Variants in MYO1D observed in about 807,000 individuals in gnomAD.
MYO1D encodes myosin ID.
In MYO1D, 83 loss-of-function variants were observed where a neutral mutation model predicts 122.0. The ratio of observed to expected loss-of-function variants is 0.68; its 90% confidence interval spans 0.57 to 0.82. The LOEUF (loss-of-function observed/expected upper bound fraction) is 0.82, where lower values mean the gene tolerates loss of function less well. Among genes scored for constraint, MYO1D ranks in the 40% least tolerant of loss-of-function variants. The probability of loss-of-function intolerance (pLI) is 0.00; values close to 1 mark genes in which losing one functional copy is unlikely to be tolerated. For synonymous variants in MYO1D, 464 were observed against 446.9 expected, an observed-to-expected ratio of 1.04 and a Z score of -0.48; for missense variants, 1,157 against 1,269.5, an observed-to-expected ratio of 0.91 and a Z score of 1.35.
intron 16 of MYO1D, among the ~76,000 whole-genome samples, chr17:32,698,158 A>G (rs1249893371): frequency 6.6e-6 from 1 of 152,186 alleles, no homozygotes; most frequent in Non-Finnish European, 1.5e-5. Flanking sequence ...TAGTTAAATA[A>G]CCAGAATAGT....
At chr17:32,638,280 A>T (rs1359743349) in intron 20 of MYO1D, among the ~76,000 whole-genome samples, 3 of 152,248 alleles carry the variant, frequency 2.0e-5, no homozygotes, top group Admixed American at 6.5e-5. Flanking sequence ...AAGATCACAC[A>T]ATCAACAACT....
chr17:32,818,122 T>A (rs2090628658), intron 1 of MYO1D, among the ~76,000 whole-genome samples: 1 of 36,354 alleles, frequency 2.8e-5, no homozygotes, highest in Non-Finnish European at 5.0e-5. Context: ...CGAGACTCCG[T>A]CTCAAAAAAA....
chr17:32,629,018 A>G (rs2087966540), intron 20 of MYO1D, among the ~76,000 whole-genome samples: 1 of 152,230 alleles, frequency 6.6e-6, no homozygotes, highest in Admixed American at 6.5e-5. Flanking sequence ...GCACCTCCAT[A>G]TAATGAACTA....
chr17:32,746,048 T>A (rs1285303358), intron 12 of MYO1D, among the ~76,000 whole-genome samples: 1 of 152,220 alleles, frequency 6.6e-6, no homozygotes, highest in African/African-American at 2.4e-5. Context: ...ACCTTACAGT[T>A]CTGCTCTCGT....
At position 32,527,800 on chromosome 17, in the gene MYO1D, T is replaced by C. The variant is rs145550773; in HGVS notation, c.2865-32885A>G. On this transcript the variant is annotated intron_variant, in intron 21 of 21. Transcript: ENST00000318217. The stretch of plus-strand genomic sequence containing the variant: ...GCAACAAAGAGAGACTCTATAAAAA[T>C]AAAACAAAACAATAAAAGCTACATA... 2.9e-3 allele frequency among the ~76,000 whole-genome samples: 427 copies of C among 149,744 alleles called. 6 individuals are homozygous for C. Among genetic ancestry groups the C allele is most frequent in the East Asian group, 0.028 (142 of 5,098 alleles).
Position 32,745,150 on chromosome 17 carries a change from G to A in MYO1D, c.1613+61C>T, listed in dbSNP as rs35008626. The A allele has an allele frequency of 1.2e-3, 1,109 of 896,936 alleles. 6 individuals carry two copies. The African/African-American group carries it at 0.016, about 13-fold the overall frequency. The allele number at this position is 896,936 out of a possible 1,614,324, so 55.6% of individuals were successfully genotyped here. A position where few individuals can be genotyped will look rare whatever the true frequency, so the allele number is the denominator to read the frequency against. ...AAATTGCATATAAATATAACCATGT[G>A]CATATATTACATATGTCAATGAGCT... On this transcript the variant is annotated intron_variant, in intron 13 of 21. Coordinates refer to ENST00000318217, the MANE Select transcript of MYO1D (RefSeq NM_015194.3).
intron 1 of MYO1D, among the ~76,000 whole-genome samples, chr17:32,788,815 G>A (rs763938157): frequency 9.9e-5 from 15 of 152,008 alleles, no homozygotes; most frequent in African/African-American, 1.4e-4. Context: ...GATAGGAATT[G>A]CATTAAATCT....
chr17:32,795,974 C>T (rs565073681), intron 1 of MYO1D, among the ~76,000 whole-genome samples: 5 of 152,226 alleles, frequency 3.3e-5, no homozygotes, highest in South Asian at 4.2e-4. Context: ...TCTGTTAGCG[C>T]GCTCTCGGGG....
chr17:32,692,148 T>C (rs2089110909), intron 16 of MYO1D, among the ~76,000 whole-genome samples: 1 of 152,242 alleles, frequency 6.6e-6, no homozygotes, highest in Non-Finnish European at 1.5e-5. Flanking sequence ...ATGCTCTAAA[T>C]ATACACATTT....
intron 21 of MYO1D, among the ~76,000 whole-genome samples, chr17:32,584,488 T>C (rs979174531): frequency 1.3e-5 from 2 of 151,812 alleles, no homozygotes; most frequent in South Asian, 2.1e-4. Context: ...TGTTGTGAAA[T>C]AGATCTTCAG....
chr17:32,693,004 C>T (rs776001176), intron 16 of MYO1D, among the ~76,000 whole-genome samples: 3 of 152,270 alleles, frequency 2.0e-5, no homozygotes, highest in East Asian at 3.9e-4. Context: ...CTTGGCTGTG[C>T]GCATCTTCAG....
At chr17:32,586,574 ATTGT>A (rs1197946473) in intron 21 of MYO1D, among the ~76,000 whole-genome samples, 1 of 152,156 alleles carries the variant, frequency 6.6e-6, no homozygotes, top group Non-Finnish European at 1.5e-5. Context: ...CATTCAAGTC[ATTGT>A]TTAAGAAAAA....
chr17:32,547,201 C>T (rs1345968620), intron 21 of MYO1D, among the ~76,000 whole-genome samples: 6 of 152,102 alleles, frequency 3.9e-5, no homozygotes, highest in Non-Finnish European at 8.8e-5. Context: ...GCCATTGTGC[C>T]GGCACGAGAA....
At chr17:32,583,718 T>C (rs1438287580) in intron 21 of MYO1D, among the ~76,000 whole-genome samples, 3 of 151,960 alleles carry the variant, frequency 2.0e-5, no homozygotes, top group Non-Finnish European at 4.4e-5. Context: ...AAAAGTTCGA[T>C]TTGAGTCTTT....
At position 32,864,007 on chromosome 17, in the gene MYO1D, C is replaced by CT. The variant is rs560953120; in HGVS notation, c.95+12770dup. On this transcript the variant is annotated intron_variant, in intron 1 of 21. Coordinates refer to ENST00000318217, the MANE Select transcript of MYO1D (RefSeq NM_015194.3). ...TAATTTTGGTTACAAACATTTCTTCCTTTTTTTTTTTTTTTTTTTTTTTTT... is the reference window on the plus strand; with the variant it reads ...TAATTTTGGTTACAAACATTTCTTCCTTTTTTTTTTTTTTTTTTTTTTTTTT... 4.1e-3 allele frequency among the ~76,000 whole-genome samples: 200 copies of CT among 48,924 alleles called. 24 individuals are homozygous for CT. The highest frequency in any genetic ancestry group is 5.1e-3 in the Non-Finnish European group (145 of 28,606). The allele number at this position is 48,924 out of a possible 152,430, so 32.1% of individuals were successfully genotyped here. A position where few individuals can be genotyped will look rare whatever the true frequency, so the allele number is the denominator to read the frequency against.
intron 11 of MYO1D, among the ~76,000 whole-genome samples, chr17:32,751,955 C>T (rs939572105): frequency 4.6e-5 from 7 of 152,098 alleles, no homozygotes; most frequent in Admixed American, 3.9e-4. Flanking sequence ...CAAAAAACAG[C>T]CCAAATAGCC....
chr17:32,502,358 C>G (rs867801602), intron 21 of MYO1D, among the ~76,000 whole-genome samples: 3 of 152,140 alleles, frequency 2.0e-5, no homozygotes, highest in Non-Finnish European at 4.4e-5. Flanking sequence ...CCAGAAGAGG[C>G]AAAGCCACGG....
rs1567965479 is a variant in MYO1D at position 32,721,172 on chromosome 17, AC to A, written c.1763del (p.Arg588LeufsTer23). The part of the protein sequence containing the change: ...NLASKEPYYV[R>X]CIKPNDKKSP... ...ATTTCTTGTCATTGGGTTTGATGCAACGAACGTAATATGGTTCCTAAAGAAA... is the reference window on the plus strand; with the variant it reads ...ATTTCTTGTCATTGGGTTTGATGCAAGAACGTAATATGGTTCCTAAAGAAA... On this transcript the variant is annotated frameshift_variant, in exon 15 of 22. Coordinates refer to ENST00000318217, the MANE Select transcript of MYO1D (RefSeq NM_015194.3). LOFTEE classifies it high-confidence loss of function. 6.2e-7 allele frequency: 1 copy of A among 1,613,816 alleles called. No homozygotes were observed. Among genetic ancestry groups the A allele is most frequent in the Non-Finnish European group, 8.5e-7 (1 of 1,179,866 alleles).
intron 21 of MYO1D, among the ~76,000 whole-genome samples, chr17:32,511,277 G>T (rs1415118171): frequency 6.6e-6 from 1 of 151,822 alleles, no homozygotes; most frequent in Non-Finnish European, 1.5e-5. Context: ...AGGCTGGAGT[G>T]TTGTGGCATG....
Sources: allele counts gnomAD v4.1 joint callset (sites outside exome capture counted in the v4.1 genomes callset), GRCh38; gene constraint gnomAD v4.1.1; transcripts MANE v1.5; gene names NCBI Gene and HGNC (gene_info 2026-07-23, HGNC 2026-07-21).